The following QKI variants were observed in gnomAD, a reference collection of about 807,000 sequenced individuals.
QKI encodes KH domain-containing RNA-binding protein QKI.
QKI carries 10 observed loss-of-function variants against 39.0 expected under a neutral mutation model. That is an observed-to-expected ratio of 0.26 (90% CI 0.16 to 0.43). The LOEUF (loss-of-function observed/expected upper bound fraction) is 0.43, where lower values mean the gene tolerates loss of function less well. Ranked by LOEUF, QKI falls within the 20% of genes least tolerant of loss-of-function variation. The pLI is 1.00. For synonymous variants in QKI, 204 were observed against 155.4 expected (o/e 1.31, Z -2.33); for missense variants, 218 against 428.0 (o/e 0.51, Z 4.33).
rs189424223 is a variant in QKI, at chr6:163,459,124, G to A, written c.285+3703G>A. On this transcript the variant is annotated intron_variant, in intron 2 of 7. Transcript: ENST00000361752. ...GATTGAGGCTAACTGGGTGGGTTTA[G>A]ATCTTCTCCATTTATGTTCCTGCTG... Among the ~76,000 whole-genome samples, 7 of 152,336 alleles carry A rather than the reference G, an allele frequency of 4.6e-5. No individual in the cohort carries two copies. In the East Asian group the frequency reaches 1.4e-3, roughly 29 times the overall value.
rs1783822906 is a variant in QKI at position 163,573,651 on chromosome 6, G to A, written c.*2941G>A. The A allele has an allele frequency of 1.3e-5, 2 of 151,910 alleles. No individual in the cohort carries two copies. Among genetic ancestry groups the A allele is most frequent in the African/African-American group, 4.8e-5 (2 of 41,378 alleles). The allele number at this position is 151,910 out of a possible 1,614,324, so 9.4% of individuals were successfully genotyped here. A position where few individuals can be genotyped will look rare whatever the true frequency, so the allele number is the denominator to read the frequency against. On this transcript the variant is annotated 3_prime_UTR_variant, in exon 8 of 8. Transcript: ENST00000361752. ...TATATTGGGTGTCTTGTCTTTTTTG[G>A]GCTTTTAGTTAGCTAATGAATGAAT...
intron 1 of QKI, among the ~76,000 whole-genome samples, chr6:163,426,103 T>A (rs957626596): frequency 1.3e-5 from 2 of 152,222 alleles, no homozygotes; most frequent in African/African-American, 4.8e-5. Flanking sequence ...ATCCTACAGA[T>A]AACGTAATAA....
intron 3 of QKI, among the ~76,000 whole-genome samples, chr6:163,484,241 C>T (rs552247881): frequency 4.6e-5 from 7 of 151,568 alleles, no homozygotes; most frequent in South Asian, 4.2e-4. Context: ...CTCACTCTAC[C>T]GCCCAGGCTG....
intron 1 of QKI, among the ~76,000 whole-genome samples, chr6:163,424,145 C>T (rs78222917): frequency 0.028 from 4,280 of 152,180 alleles, 201 homozygotes; most frequent in African/African-American, 0.097. Context: ...TATGTTACAG[C>T]AATTATATCC....
intron 1 of QKI, among the ~76,000 whole-genome samples, chr6:163,427,660 TGCGTGTGTGTGCCTGCATGTGTGTGCGC>T (rs1788517935): frequency 6.6e-6 from 1 of 152,022 alleles, no homozygotes; most frequent in East Asian, 1.9e-4. Flanking sequence ...GTCAGGTGCG[TGCGTGTGTGTGCCTGCATGTGTGTGCGC>T]GCGTGTGTGT....
chr6:163,454,428 G>T (rs1790784372), intron 1 of QKI, among the ~76,000 whole-genome samples: 1 of 152,044 alleles, frequency 6.6e-6, no homozygotes, highest in African/African-American at 2.4e-5. Context: ...ACCCAGTGTA[G>T]CTTGATCTGT....
intron 1 of QKI, among the ~76,000 whole-genome samples, chr6:163,418,991 AAC>A (rs1334835693): frequency 6.6e-6 from 1 of 152,166 alleles, no homozygotes; most frequent in Non-Finnish European, 1.5e-5. Context: ...AATGAGGAAG[AAC>A]AGTCAATCTT....
In QKI at chr6:163,563,530, C is replaced by T; in HGVS notation, c.745C>T (p.Pro249Ser). 6.2e-7 allele frequency: 1 copy of T among 1,614,182 alleles called. No individual in the cohort carries two copies. The highest frequency in any genetic ancestry group is 8.5e-7 in the Non-Finnish European group (1 of 1,180,042). ...AALRTPTPAG[P>S]TIMPLIRQIQ... ...CCTGCGTACTCCTACGCCAGCTGGCCCTACCATAATGCCTTTGATCAGACA... is the reference window on the plus strand; with the variant it reads ...CCTGCGTACTCCTACGCCAGCTGGCTCTACCATAATGCCTTTGATCAGACA... The change falls in exon 6 of 8, where the codon CCT (proline) becomes TCT (serine). Residue 249 changes from proline (P) to serine (S), a missense_variant. Coordinates refer to ENST00000361752, the MANE Select transcript of QKI (RefSeq NM_006775.3).
intron 1 of QKI, among the ~76,000 whole-genome samples, chr6:163,420,527 G>A (rs1359561818): frequency 6.6e-6 from 1 of 151,864 alleles, no homozygotes; most frequent in Non-Finnish European, 1.5e-5. Flanking sequence ...GTGGTGAGTG[G>A]GCCTATGTTA....
intron 7 of QKI, chr6:163,569,774 G>A (rs895502924): frequency 1.0e-6 from 1 of 991,080 alleles, no homozygotes; most frequent in Non-Finnish European, 1.2e-6. Flanking sequence ...TATTGTATTT[G>A]CAGAGTATTA....
At chr6:163,433,505 G>A (rs534255147) in intron 1 of QKI, among the ~76,000 whole-genome samples, 2 of 152,328 alleles carry the variant, frequency 1.3e-5, no homozygotes, top group East Asian at 3.9e-4. Context: ...GGTGGCTCAT[G>A]CCTGTAATCC....
intron 4 of QKI, among the ~76,000 whole-genome samples, chr6:163,561,669 T>C (rs1421506909): frequency 6.6e-6 from 1 of 152,216 alleles, no homozygotes; most frequent in Non-Finnish European, 1.5e-5. Context: ...GAATATGTTA[T>C]GTTTAGTCTT....
intron 3 of QKI, among the ~76,000 whole-genome samples, chr6:163,489,686 T>G (rs1217886587): frequency 6.6e-6 from 1 of 152,112 alleles, no homozygotes. Context: ...TATGCTTTGA[T>G]TTTTCTGTAA....
chr6:163,543,404 G>T (rs1781667500), intron 4 of QKI, among the ~76,000 whole-genome samples: 1 of 151,982 alleles, frequency 6.6e-6, no homozygotes, highest in South Asian at 2.1e-4. Context: ...TTTCTACCTT[G>T]CAGAGCCATT....
chr6:163,477,286 G>A (rs991168839), intron 2 of QKI, among the ~76,000 whole-genome samples: 2 of 152,002 alleles, frequency 1.3e-5, no homozygotes, highest in Admixed American at 6.6e-5. Flanking sequence ...CAAAGTGTTG[G>A]GATTACAGGT....
chr6:163,566,688 C>A (rs1451371653), intron 6 of QKI, 33 bp from the exon 7 acceptor site: 1 of 1,610,870 alleles, frequency 6.2e-7, no homozygotes, highest in Non-Finnish European at 8.5e-7. Flanking sequence ...TGAATGTTTT[C>A]TAACTTTGTC....
At chr6:163,451,855 A>G (rs1404969041) in intron 1 of QKI, among the ~76,000 whole-genome samples, 1 of 152,208 alleles carries the variant, frequency 6.6e-6, no homozygotes, top group Admixed American at 6.5e-5. Context: ...TTACAAAAGG[A>G]CTAAAGCATT....
At chr6:163,558,055 C>T (rs758235145) in intron 4 of QKI, among the ~76,000 whole-genome samples, 36 of 152,128 alleles carry the variant, frequency 2.4e-4, no homozygotes, top group Non-Finnish European at 4.1e-4. Flanking sequence ...GTTGCTCATT[C>T]CCGATCAAGG....
At position 163,478,887 on chromosome 6, in the gene QKI, TA is replaced by T. The variant is rs755727862; in HGVS notation, c.401del (p.Lys134ArgfsTer14). 1.1e-5 allele frequency: 18 copies of T among 1,603,400 alleles called. No homozygotes were observed. Among genetic ancestry groups the T allele is most frequent in the African/African-American group, 2.7e-5 (2 of 74,228 alleles). On this transcript the variant is annotated frameshift_variant, in exon 3 of 8. Transcript: ENST00000361752. LOFTEE classifies it high-confidence loss of function. The part of the protein sequence containing the change: ...MVRGKGSMRD[K>X]KKEEQNRGKP... ...TCCGAGGCAAAGGCTCAATGAGGGATAAAAAAAAGGTAAGTCCTTGAAAATG... is the reference window on the plus strand; with the variant it reads ...TCCGAGGCAAAGGCTCAATGAGGGATAAAAAAAGGTAAGTCCTTGAAAATG...
Sources: gnomAD v4.1 joint callset for allele counts (sites outside exome capture counted in the v4.1 genomes callset) on GRCh38, gnomAD v4.1.1 for gene constraint, MANE v1.5 for transcripts, NCBI Gene and HGNC (gene_info 2026-07-23, HGNC 2026-07-21) for gene names.